Variants in GLTP observed in about 807,000 individuals in gnomAD.
The protein encoded by GLTP is glycolipid transfer protein.
Under a neutral mutation model 24.0 loss-of-function variants are expected in GLTP, and 22 were observed. The observed-to-expected ratio is 0.92, with a 90% CI of 0.65 to 1.31. The LOEUF (loss-of-function observed/expected upper bound fraction) is 1.31, where lower values mean the gene tolerates loss of function less well. Ranked by LOEUF, GLTP falls within the 50% of genes most tolerant of loss-of-function variation. GLTP has a pLI of 0.00. For missense variants in GLTP, 224 were observed against 276.6 expected (o/e 0.81, Z 1.35); for synonymous variants, 92 against 115.9 (o/e 0.79, Z 1.33).
Position 109,857,058 on chromosome 12 carries a change from C to T in GLTP, c.296+468G>A, listed in dbSNP as rs1331389776. On this transcript the variant is annotated intron_variant, in intron 3 of 4. Transcript: ENST00000318348. The surrounding 1 kb of genome is among the most constrained non-coding windows in gnomAD (Gnocchi z 4.3). Reference sequence around the variant, plus strand: ...ATAAAAAATAGAAGAATTCCTTCTCCTCAAGATGGTGTACTTCTACCAAGA... The same window carrying T: ...ATAAAAAATAGAAGAATTCCTTCTCTTCAAGATGGTGTACTTCTACCAAGA... Among the ~76,000 whole-genome samples, 2 of 152,146 alleles carry T rather than the reference C, an allele frequency of 1.3e-5. No individual in the cohort carries two copies. Among genetic ancestry groups the T allele is most frequent in the Non-Finnish European group, 2.9e-5 (2 of 68,032 alleles).
At chr12:109,853,300 T>C (rs1892752180) in intron 4 of GLTP, among the ~76,000 whole-genome samples, 1 of 152,010 alleles carries the variant, frequency 6.6e-6, no homozygotes, top group Admixed American at 6.6e-5. Flanking sequence ...GGGCGATACT[T>C]CCCTAAATTT....
intron 1 of GLTP, among the ~76,000 whole-genome samples, chr12:109,874,147 T>C (rs1292121701): frequency 6.6e-6 from 1 of 152,142 alleles, no homozygotes; most frequent in East Asian, 1.9e-4. Context: ...GAGCACCACA[T>C]AAGGAGTCCA....
intron 1 of GLTP, among the ~76,000 whole-genome samples, chr12:109,878,722 GATA>G (rs200544794): frequency 0.01 from 1,524 of 152,304 alleles, 27 homozygotes; most frequent in Middle Eastern, 0.037. Flanking sequence ...CTGTGACACT[GATA>G]ATAAGAAAGT....
intron 1 of GLTP, among the ~76,000 whole-genome samples, chr12:109,865,584 C>A (rs373300645): frequency 1.3e-5 from 2 of 150,468 alleles, no homozygotes; most frequent in African/African-American, 2.5e-5. Context: ...GTTGAGATTG[C>A]GCGTGAGATT....
intron 1 of GLTP, among the ~76,000 whole-genome samples, chr12:109,879,503 G>A (rs1350466781): frequency 6.6e-6 from 1 of 152,066 alleles, no homozygotes; most frequent in Non-Finnish European, 1.5e-5. Flanking sequence ...ACAGGGGAGG[G>A]GCTTCCTCTC....
intron 4 of GLTP, 127 bp from the exon 5 acceptor site, chr12:109,852,864 G>T: frequency 4.8e-6 from 3 of 629,342 alleles, no homozygotes; most frequent in Non-Finnish European, 8.5e-6. Flanking sequence ...GCTATTTGAG[G>T]TGTTGGAAGG....
chr12:109,858,060 G>C, intron 2 of GLTP: 1 of 453,558 alleles, frequency 2.2e-6, no homozygotes, highest in African/African-American at 2.0e-5. Flanking sequence ...AGGTTCCGAG[G>C]ATTCCAAGAA....
intron 1 of GLTP, among the ~76,000 whole-genome samples, chr12:109,867,801 G>A (rs1328639027): frequency 2.0e-5 from 3 of 147,226 alleles, no homozygotes; most frequent in East Asian, 2.0e-4. Context: ...TTTTTGAGAC[G>A]GAGTCTCGCT....
chr12:109,857,572 C>T lies in GLTP; in HGVS notation c.250G>A (p.Glu84Lys). ...AGTGTGGCCCCTACTTTGGGCCACTCTGCTCCATACATTTCTTTCTCCACC... is the reference window on the plus strand; with the variant it reads ...AGTGTGGCCCCTACTTTGGGCCACTTTGCTCCATACATTTCTTTCTCCACC... ...LEVEKEMYGAEWPKVGATLAL... is the reference protein window; with the variant it reads ...LEVEKEMYGAKWPKVGATLAL... Residue 84 changes from glutamate to lysine, a missense_variant, in exon 3 of 5, where the codon GAG becomes AAG. Physicochemically the swap from Glu to Lys is moderately conservative, Grantham distance 56. Transcript: ENST00000318348. The surrounding 1 kb of genome is among the most constrained non-coding windows in gnomAD (Gnocchi z 4.3). The T allele has an allele frequency of 6.2e-7, 1 of 1,614,104 alleles. No homozygotes were observed. Among genetic ancestry groups the T allele is most frequent in the African/African-American group, 1.3e-5 (1 of 75,058 alleles).
intron 1 of GLTP, chr12:109,866,175 AC>A (rs1429880256): frequency 6.6e-6 from 1 of 151,304 alleles, no homozygotes; most frequent in Admixed American, 6.6e-5. Flanking sequence ...CTCAATAATA[AC>A]AAAAAAAAAG....
intron 1 of GLTP, among the ~76,000 whole-genome samples, chr12:109,873,887 T>G (rs1000181545): frequency 3.9e-5 from 6 of 152,010 alleles, no homozygotes; most frequent in African/African-American, 1.2e-4. Context: ...ATTTCAACAC[T>G]CCAGTCATTT....
Position 109,855,322 on chromosome 12 carries a change from C to A in GLTP, c.447+297G>T, listed in dbSNP as rs1175556923. 1.3e-5 allele frequency among the ~76,000 whole-genome samples: 2 copies of A among 152,222 alleles called. No individual in the cohort carries two copies. The highest frequency in any genetic ancestry group is 4.8e-5 in the African/African-American group (2 of 41,462). ...ACTTTTGACCTGGGGTCCTCCAGGG[C>A]TTTCCCTGTGGTTTCTCGTCGCCCC... On this transcript the variant is annotated intron_variant, in intron 4 of 4. Coordinates refer to ENST00000318348, the MANE Select transcript of GLTP (RefSeq NM_016433.4). The surrounding 1 kb of genome is among the most constrained non-coding windows in gnomAD (Gnocchi z 4.1).
intron 1 of GLTP, among the ~76,000 whole-genome samples, chr12:109,871,504 A>T (rs1868721128): frequency 6.6e-6 from 1 of 152,020 alleles, no homozygotes; most frequent in African/African-American, 2.4e-5. Flanking sequence ...ACGACTTCCA[A>T]CGTCTTCCTG....
intron 1 of GLTP, among the ~76,000 whole-genome samples, chr12:109,862,823 G>A (rs530562896): frequency 2.0e-5 from 3 of 152,040 alleles, no homozygotes; most frequent in South Asian, 2.1e-4. Context: ...AGGCCGAGGC[G>A]GGTGGATCAC....
Position 109,880,172 on chromosome 12 carries a change from A to C in GLTP, c.103+100T>G, listed in dbSNP as rs1002670674. On this transcript the variant is annotated intron_variant, in intron 1 of 4. Coordinates refer to ENST00000318348, the MANE Select transcript of GLTP (RefSeq NM_016433.4). The surrounding 1 kb of genome is among the most constrained non-coding windows in gnomAD (Gnocchi z 5.1). ...TTGGGTGCCTGGGGAAACAGTACTT[A>C]GGGGTGTCTAGGGCAGAGATGGTTA... is the stretch of plus-strand genomic sequence containing the variant. The C allele has an allele frequency of 1.5e-6, 1 of 684,318 alleles. No homozygotes were observed. Among genetic ancestry groups the C allele is most frequent in the Non-Finnish European group, 2.6e-6 (1 of 391,644 alleles). The allele number at this position is 684,318 out of a possible 1,614,324, so 42.4% of individuals were successfully genotyped here.
intron 1 of GLTP, among the ~76,000 whole-genome samples, chr12:109,871,550 G>A (rs936457127): frequency 1.3e-4 from 20 of 152,094 alleles, no homozygotes; most frequent in African/African-American, 4.3e-4. Context: ...CTGTTACAGG[G>A]CTAGACCTGC....
At chr12:109,859,531 T>C (rs1236545477) in intron 1 of GLTP, among the ~76,000 whole-genome samples, 1 of 151,456 alleles carries the variant, frequency 6.6e-6, no homozygotes, top group East Asian at 1.9e-4. Flanking sequence ...AAAATAATTT[T>C]TTTTTTGCAC....
rs1892743536 is a variant in GLTP, at chr12:109,852,723, T to C, written c.462A>G (p.Ala154=). Residue 154 remains alanine (A), a synonymous_variant, in exon 5 of 5, where the codon GCA becomes GCG. Transcript: ENST00000318348. ...VQKIFQAALY[A]APYKSDFLKA... ...TCAGGAAGTCAGACTTATAGGGTGC[T>C]GCGTACAGTGCTGCCTTGAGACAGG... The C allele has an allele frequency of 6.2e-7, 1 of 1,611,514 alleles. No homozygotes were observed. Among genetic ancestry groups the C allele is most frequent in the African/African-American group, 1.3e-5 (1 of 74,866 alleles).
At chr12:109,869,040 C>T (rs1868631081) in intron 1 of GLTP, among the ~76,000 whole-genome samples, 1 of 152,152 alleles carries the variant, frequency 6.6e-6, no homozygotes, top group Non-Finnish European at 1.5e-5. Flanking sequence ...TGGCTTACTC[C>T]TGTAATCCCA....
Sources: allele counts gnomAD v4.1 joint callset (sites outside exome capture counted in the v4.1 genomes callset), GRCh38; gene constraint gnomAD v4.1.1; non-coding constraint Gnocchi (gnomAD v3.1); transcripts MANE v1.5; gene names NCBI Gene and HGNC (gene_info 2026-07-23, HGNC 2026-07-21).